LRRC9: variants seen among roughly 807,000 people sequenced by gnomAD.
LRRC9 encodes leucine rich repeat containing 9.
In LRRC9, 122 loss-of-function variants were observed where a neutral mutation model predicts 63.2. The observed-to-expected ratio is 1.93, with a 90% confidence interval of 1.67 to 2.24. LRRC9 has a LOEUF of 2.24. Among genes scored for constraint, LRRC9 ranks in the 30% most tolerant of loss-of-function variants. The probability of loss-of-function intolerance (pLI) is 0.00; values close to 1 mark genes in which losing one functional copy is unlikely to be tolerated. For missense variants in LRRC9, 1,071 were observed against 627.7 expected (o/e 1.71, Z -7.55); for synonymous variants, 366 against 213.1 (o/e 1.72, Z -6.25).
chr14:60,017,104 C>T lies in LRRC9; in HGVS notation c.3317+314C>T, dbSNP rs1185180024. ...TATGCCATGTTGCCAGGCTGGTCTC[C>T]AATCATGGGCTCAAGTGGTTCACCT... is the stretch of plus-strand genomic sequence containing the variant. On this transcript the variant is annotated intron_variant, in intron 24 of 31. Coordinates refer to ENST00000445360, the Ensembl canonical transcript of LRRC9. The surrounding 1 kb of genome is among the most constrained non-coding windows in gnomAD (Gnocchi z 4.0). 6.6e-6 allele frequency among the ~76,000 whole-genome samples: 1 copy of T among 151,998 alleles called. No individual in the cohort carries two copies.
chr14:59,981,743 C>T (rs1170129797), intron 15 of LRRC9, 105 bp from the exon 16 acceptor site: 15 of 617,768 alleles, frequency 2.4e-5, no homozygotes, highest in Admixed American at 2.0e-4. Flanking sequence ...ACAGATATGA[C>T]TGTATAACTA....
rs560967503 is a variant in LRRC9 at position 60,051,320 on chromosome 14, A to G, written c.3991-1745A>G. On this transcript the variant is annotated intron_variant, in intron 29 of 31. Coordinates refer to ENST00000445360, the Ensembl canonical transcript of LRRC9. The surrounding 1 kb of genome is among the most constrained non-coding windows in gnomAD (Gnocchi z 4.7). The stretch of plus-strand genomic sequence containing the variant: ...ACAAGGGGGCCCCGCCCAGTGAGGA[A>G]GAATGGATCAGGGTGCCACTTAAAG... Among the ~76,000 whole-genome samples, 1 of 152,304 alleles carries G rather than the reference A, an allele frequency of 6.6e-6. No homozygotes were observed. Among genetic ancestry groups the G allele is most frequent in the South Asian group, 2.1e-4 (1 of 4,824 alleles).
At chr14:60,061,134 A>G (rs1358095483) in intron 31 of LRRC9, among the ~76,000 whole-genome samples, 2 of 152,254 alleles carry the variant, frequency 1.3e-5, no homozygotes, top group African/African-American at 4.8e-5. Context: ...GATTTAGAAT[A>G]TTACAAACTT....
intron 8 of LRRC9, among the ~76,000 whole-genome samples, chr14:59,951,792 G>C (rs1277446221): frequency 6.6e-6 from 1 of 152,178 alleles, no homozygotes; most frequent in Non-Finnish European, 1.5e-5. Context: ...TGGGGGGTAG[G>C]CCTCCCAGTT....
chr14:59,984,954 C>T, intron 16 of LRRC9, 151 bp from the exon 17 acceptor site: 1 of 397,036 alleles, frequency 2.5e-6, no homozygotes, highest in Non-Finnish European at 4.5e-6. Flanking sequence ...TTCTTATTGA[C>T]TGTTTCTTAA....
In LRRC9 at chr14:59,927,189, A is replaced by G. The variant is rs952352980; in HGVS notation, c.-33-722A>G. Among the ~76,000 whole-genome samples, 5 of 152,170 alleles carry G rather than the reference A, an allele frequency of 3.3e-5. No homozygotes were observed. Among genetic ancestry groups the G allele is most frequent in the Middle Eastern group, 3.4e-3 (1 of 294 alleles). ...CACACATGCCTATGGGGGAGTTGTTATTGTAAAGAAAGGGATTATACTGTA... is the reference window on the plus strand; with the variant it reads ...CACACATGCCTATGGGGGAGTTGTTGTTGTAAAGAAAGGGATTATACTGTA... On this transcript the variant is annotated intron_variant, in intron 1 of 31. Transcript: ENST00000445360. The surrounding 1 kb of genome is among the most constrained non-coding windows in gnomAD (Gnocchi z 4.4).
At chr14:59,925,056 G>C (rs6573291) in intron 1 of LRRC9, among the ~76,000 whole-genome samples, 62,576 of 151,630 alleles carry the variant, frequency 0.41, 13,449 homozygotes, top group East Asian at 0.58. Context: ...TCCTCCCACC[G>C]CTGTCATTCT....
rs141477916 is a variant in LRRC9 at position 59,942,077 on chromosome 14, GCTTGA to G, written c.727-2508_727-2504del. Among the ~76,000 whole-genome samples, 2,824 of 152,166 alleles carry G rather than the reference GCTTGA, an allele frequency of 0.019. 41 individuals are homozygous for G. The highest frequency in any genetic ancestry group is 0.032 in the Non-Finnish European group (2,199 of 67,986). On this transcript the variant is annotated intron_variant, in intron 7 of 31. Coordinates refer to ENST00000445360, the Ensembl canonical transcript of LRRC9. This position sits in a 1 kb window ranked among gnomAD's most constrained non-coding sequence, Gnocchi z 5.3. ...TAACATGCAGTCTTTATTTTTCTGT[GCTTGA>G]CTTATTTCGCTTAACATAATGTCCT...
exon 29 of LRRC9, chr14:60,032,022 G>T: frequency 1.4e-6 from 1 of 700,586 alleles, no homozygotes; most frequent in Non-Finnish European, 2.6e-6. Context: ...AAAACTTGAC[G>T]TTATCTCTAC....
At position 60,042,547 on chromosome 14, in the gene LRRC9, G is replaced by C. The variant is rs999273460; in HGVS notation, c.3990+10484G>C. Among the ~76,000 whole-genome samples the C allele has an allele frequency of 6.6e-6, 1 of 152,238 alleles. No homozygotes were observed. Among genetic ancestry groups the C allele is most frequent in the African/African-American group, 2.4e-5 (1 of 41,466 alleles). On this transcript the variant is annotated intron_variant, in intron 29 of 31. Coordinates refer to ENST00000445360, the Ensembl canonical transcript of LRRC9. The surrounding 1 kb of genome is among the most constrained non-coding windows in gnomAD (Gnocchi z 4.2). ...GCTCCGTGGGCATGGGATCCTCCAA[G>C]CCATGCGCGGGATATAATCTCCTGT...
chr14:60,018,342 A>T (rs1241415173), intron 24 of LRRC9, 29 bp from the exon 25 acceptor site: 1 of 699,534 alleles, frequency 1.4e-6, no homozygotes, highest in Admixed American at 2.0e-5. Flanking sequence ...TATTAAAATA[A>T]TAGCTGTATT....
intron 17 of LRRC9, among the ~76,000 whole-genome samples, chr14:59,996,937 A>T (rs1300635290): frequency 2.0e-5 from 3 of 152,190 alleles, no homozygotes; most frequent in Non-Finnish European, 4.4e-5. Flanking sequence ...AAATGTTTTT[A>T]AAAATTATGA....
At chr14:59,991,696 C>T (rs1028703633) in intron 17 of LRRC9, among the ~76,000 whole-genome samples, 20 of 152,300 alleles carry the variant, frequency 1.3e-4, no homozygotes, top group South Asian at 1.2e-3. Flanking sequence ...GAGGGTCCTA[C>T]GCCCATGGAG....
chr14:60,062,465 A>T (rs1894713660), intron 31 of LRRC9, among the ~76,000 whole-genome samples: 1 of 152,240 alleles, frequency 6.6e-6, no homozygotes, highest in South Asian at 2.1e-4. Flanking sequence ...ACAATGAAAT[A>T]GCTACATGGG....
chr14:59,979,216 T>G (rs991211737), intron 15 of LRRC9, among the ~76,000 whole-genome samples: 1 of 152,000 alleles, frequency 6.6e-6, no homozygotes, highest in African/African-American at 2.4e-5. Context: ...CTGGGCAACA[T>G]AGTGAGATCT....
chr14:59,951,912 AC>A (rs1883174191), intron 8 of LRRC9, among the ~76,000 whole-genome samples: 1 of 152,140 alleles, frequency 6.6e-6, no homozygotes, highest in South Asian at 2.1e-4. Flanking sequence ...AAGCTGTCAG[AC>A]AGGGACATTT....
chr14:59,939,014 CAT>C (rs34336233), intron 7 of LRRC9, among the ~76,000 whole-genome samples: 1,349 of 109,408 alleles, frequency 0.012, 11 homozygotes, highest in Non-Finnish European at 0.015. Context: ...CATATATACA[CAT>C]ATATATATAC....
chr14:60,037,413 C>A (rs1892537883), intron 29 of LRRC9, among the ~76,000 whole-genome samples: 1 of 152,184 alleles, frequency 6.6e-6, no homozygotes, highest in Admixed American at 6.5e-5. Flanking sequence ...TTCTCCATAT[C>A]CTCTCCAGCA....
At chr14:59,935,304 A>G (rs1350009960) in intron 6 of LRRC9, among the ~76,000 whole-genome samples, 1 of 151,956 alleles carries the variant, frequency 6.6e-6, no homozygotes, top group African/African-American at 2.4e-5. Flanking sequence ...AAAAAAAAAA[A>G]AAAGATATAA....
Sources: gnomAD v4.1 joint callset for allele counts (sites outside exome capture counted in the v4.1 genomes callset) on GRCh38, gnomAD v4.1.1 for gene constraint, Gnocchi (gnomAD v3.1) non-coding constraint, MANE v1.5 for transcripts, NCBI Gene and HGNC (gene_info 2026-07-23, HGNC 2026-07-21) for gene names.